NF1: variants seen among roughly 807,000 people sequenced by gnomAD.
The protein encoded by NF1 is neurofibromin.
Under a neutral mutation model 325.7 loss-of-function variants are expected in NF1, and 122 were observed. That is an observed-to-expected ratio of 0.37 (90% confidence interval 0.32 to 0.44). The LOEUF (loss-of-function observed/expected upper bound fraction) is 0.44. Ranked by LOEUF, NF1 falls within the 20% of genes least tolerant of loss-of-function variation. NF1 has a pLI of 1.00. For missense variants in NF1, 2,140 were observed against 3,415.4 expected, an observed-to-expected ratio of 0.63 and a Z score of 9.31; for synonymous variants, 1,091 against 1,186.0, an observed-to-expected ratio of 0.92 and a Z score of 1.65.
intron 36 of NF1, chr17:31,305,562 G>A (rs200921973): frequency 1.2e-6 from 2 of 1,613,752 alleles, no homozygotes; most frequent in South Asian, 1.1e-5. Context: ...AAAATGTATT[G>A]TTCAGGTGTC....
intron 5 of NF1, among the ~76,000 whole-genome samples, chr17:31,175,345 C>CT (rs869113407): frequency 0.11 from 7,771 of 71,526 alleles, 454 homozygotes; most frequent in African/African-American, 0.12. Context: ...TGTGCTTTTG[C>CT]TTTTTTTTTT....
rs1597635949 is a variant in NF1, at chr17:31,163,311, C to G, written c.414C>G (p.Ala138=). ...ATGCAGCTGAACTTCGGAATTCTGC[C>G]TCTGGGGTTTTATTTTCTCTCAGCT... is the stretch of plus-strand genomic sequence containing the variant. ...NQHAAELRNS[A]SGVLFSLSCN... Residue 138 remains alanine (A), a synonymous_variant, in exon 4 of 58, where the codon GCC becomes GCG. Transcript: ENST00000358273. The G allele has an allele frequency of 4.3e-6, 7 of 1,614,026 alleles. No homozygotes were observed. In the African/African-American group the frequency reaches 8.0e-5, roughly 18 times the overall value.
At chr17:31,218,636 A>G (rs1240811457) in intron 13 of NF1, among the ~76,000 whole-genome samples, 3 of 151,208 alleles carry the variant, frequency 2.0e-5, no homozygotes, top group Admixed American at 1.3e-4. Flanking sequence ...CAGCGGTGCA[A>G]TCTTGGCTCA....
chr17:31,240,053 C>T (rs962395888), intron 29 of NF1, among the ~76,000 whole-genome samples: 8 of 152,312 alleles, frequency 5.3e-5, no homozygotes, highest in African/African-American at 9.6e-5. Context: ...CGTCAGCCAC[C>T]GTGCCCGGCC....
chr17:31,227,126 T>G, intron 18 of NF1, 92 bp from the exon 19 acceptor site: 4 of 1,313,754 alleles, frequency 3.0e-6, no homozygotes, highest in Non-Finnish European at 4.4e-6. Flanking sequence ...TGCTCTGCTC[T>G]TCCTACTCCT....
At chr17:31,282,114 G>A (rs1238543056) in intron 36 of NF1, among the ~76,000 whole-genome samples, 1 of 151,856 alleles carries the variant, frequency 6.6e-6, no homozygotes, top group Non-Finnish European at 1.5e-5. Flanking sequence ...CGGGCGTGGT[G>A]GTTCACGCCT....
intron 39 of NF1, among the ~76,000 whole-genome samples, chr17:31,333,450 A>C (rs1325302306): frequency 6.6e-6 from 1 of 152,212 alleles, no homozygotes; most frequent in Non-Finnish European, 1.5e-5. Context: ...AGATCTAGAC[A>C]TAGAACATTT....
intron 51 of NF1, among the ~76,000 whole-genome samples, chr17:31,355,361 C>T (rs573608993): frequency 2.8e-4 from 43 of 152,190 alleles, no homozygotes; most frequent in African/African-American, 1.0e-3. Context: ...CTTAACTGCT[C>T]ATGGCTTCAT....
intron 1 of NF1, among the ~76,000 whole-genome samples, chr17:31,139,299 C>T (rs1265851113): frequency 2.6e-5 from 4 of 151,900 alleles, no homozygotes; most frequent in Non-Finnish European, 4.4e-5. Context: ...CGGCCTGCCT[C>T]GGCCTCTCAA....
At chr17:31,189,529 C>T (rs1437713607) in intron 8 of NF1, among the ~76,000 whole-genome samples, 9 of 152,126 alleles carry the variant, frequency 5.9e-5, no homozygotes, top group Admixed American at 1.3e-4. Context: ...TAATCACTCC[C>T]TGTTCCTCTC....
At chr17:31,128,815 G>A (rs79744043) in intron 1 of NF1, among the ~76,000 whole-genome samples, 7 of 151,988 alleles carry the variant, frequency 4.6e-5, no homozygotes, top group South Asian at 2.1e-4. Flanking sequence ...CCAGCTACTC[G>A]GGAGCCTGAG....
At chr17:31,144,426 A>G (rs1437221036) in intron 1 of NF1, among the ~76,000 whole-genome samples, 1 of 152,218 alleles carries the variant, frequency 6.6e-6, no homozygotes, top group Non-Finnish European at 1.5e-5. Context: ...TTGCTGTATA[A>G]TAAGCTACTC....
At chr17:31,119,426 G>C (rs1444930954) in intron 1 of NF1, among the ~76,000 whole-genome samples, 1 of 150,200 alleles carries the variant, frequency 6.7e-6, no homozygotes, top group East Asian at 1.9e-4. Flanking sequence ...CTTTTGAGAA[G>C]TGTCTGTTTA....
intron 29 of NF1, among the ~76,000 whole-genome samples, chr17:31,248,373 A>C (rs1432641681): frequency 4.6e-5 from 7 of 152,174 alleles, no homozygotes; most frequent in African/African-American, 1.7e-4. Flanking sequence ...ATTTTAAAGC[A>C]TATCTCAGAG....
intron 36 of NF1, chr17:31,318,424 T>G (rs756316123): frequency 1.2e-6 from 2 of 1,614,028 alleles, no homozygotes; most frequent in Admixed American, 3.3e-5. Context: ...TTTTGTTCTT[T>G]TCCAAGTGTC....
chr17:31,337,988 A>G (rs2069722976), intron 44 of NF1, 37 bp from the exon 45 acceptor site: 1 of 1,561,606 alleles, frequency 6.4e-7, no homozygotes, highest in East Asian at 2.2e-5. Context: ...TATAAACACA[A>G]AGGTTTTTAT....
At chr17:31,208,904 A>C (rs1481128344) in intron 12 of NF1, among the ~76,000 whole-genome samples, 1 of 152,078 alleles carries the variant, frequency 6.6e-6, no homozygotes, top group Non-Finnish European at 1.5e-5. Flanking sequence ...AAAAAAAATC[A>C]AACAAAAAAA....
chr17:31,303,190 G>T (rs1335270652), intron 36 of NF1, among the ~76,000 whole-genome samples: 1 of 152,122 alleles, frequency 6.6e-6, no homozygotes, highest in Non-Finnish European at 1.5e-5. Flanking sequence ...TATTCTAAGT[G>T]CTTGTTTCCC....
chr17:31,338,794 C>T lies in NF1; in HGVS notation c.6910C>T (p.Leu2304Phe), dbSNP rs1428830065. ...TVIALTKLQP[L>F]LNKDSPLHKA... ...AATAGCACTAACCAAATTACAGCCA[C>T]TTCTTAATAAGGTAATTACTGTATA... The change falls in exon 46 of 58, where the codon CTT becomes TTT. Residue 2304 changes from leucine (L) to phenylalanine (F), a missense_variant. Leu to Phe is a conservative substitution (Grantham distance 22, BLOSUM62 0). Transcript: ENST00000358273. 2 of 1,605,142 alleles carry T rather than the reference C, an allele frequency of 1.2e-6. No homozygotes were observed. The highest frequency in any genetic ancestry group is 1.7e-5 in the Admixed American group (1 of 60,002).
Sources: allele counts gnomAD v4.1 joint callset (sites outside exome capture counted in the v4.1 genomes callset), GRCh38; gene constraint gnomAD v4.1.1; transcripts MANE v1.5; gene names NCBI Gene and HGNC (gene_info 2026-07-23, HGNC 2026-07-21).